Variants in ZHX2 observed in about 807,000 individuals in gnomAD.
ZHX2 encodes the protein zinc fingers and homeoboxes 2, also known as zinc fingers and homeoboxes protein 2.
ZHX2 carries 6 observed loss-of-function variants against 21.9 expected under a neutral mutation model. The observed-to-expected ratio is 0.27, with a 90% CI of 0.15 to 0.54. The LOEUF is 0.54. Among genes scored for constraint, ZHX2 ranks in the 20% least tolerant of loss-of-function variants. The pLI is 0.95. For missense variants in ZHX2, 908 were observed against 1,090.7 expected (o/e 0.83, Z 2.36); for synonymous variants, 434 against 437.1 (o/e 0.99, Z 0.09).
At chr8:122,826,664 G>A (rs753288090) in intron 1 of ZHX2, among the ~76,000 whole-genome samples, 4 of 152,160 alleles carry the variant, frequency 2.6e-5, no homozygotes, top group Non-Finnish European at 5.9e-5. Flanking sequence ...CACAGCGCAC[G>A]GCACTGCTCT....
chr8:122,914,792 T>C (rs1483970795), intron 2 of ZHX2, among the ~76,000 whole-genome samples: 1 of 152,268 alleles, frequency 6.6e-6, no homozygotes, highest in Non-Finnish European at 1.5e-5. Context: ...ACTTTTCTGA[T>C]GTTCAGGGTC....
chr8:122,857,511 G>A (rs952016552), intron 1 of ZHX2, among the ~76,000 whole-genome samples: 11 of 152,046 alleles, frequency 7.2e-5, no homozygotes, highest in South Asian at 4.2e-4. Context: ...CAGTATTCTC[G>A]TAAATGTCCA....
chr8:122,859,806 G>T (rs1334984734), intron 1 of ZHX2, among the ~76,000 whole-genome samples: 1 of 152,166 alleles, frequency 6.6e-6, no homozygotes, highest in African/African-American at 2.4e-5. Context: ...TAATGGTAGG[G>T]ACTGGGTTTT....
At chr8:122,804,085 T>C (rs185345038) in intron 1 of ZHX2, among the ~76,000 whole-genome samples, 1 of 152,202 alleles carries the variant, frequency 6.6e-6, no homozygotes, top group Non-Finnish European at 1.5e-5. Flanking sequence ...TCTTTCATTT[T>C]TGTCATTTAT....
chr8:122,918,818 T>C (rs1177653404), intron 2 of ZHX2, among the ~76,000 whole-genome samples: 1 of 151,816 alleles, frequency 6.6e-6, no homozygotes, highest in East Asian at 1.9e-4. Flanking sequence ...GGTGGCAGCA[T>C]GCACCTGTAG....
intron 2 of ZHX2, among the ~76,000 whole-genome samples, chr8:122,934,279 C>G (rs1812619465): frequency 6.6e-6 from 1 of 152,200 alleles, no homozygotes; most frequent in African/African-American, 2.4e-5. Context: ...GATTCTAAAG[C>G]TAATGGACTT....
At chr8:122,913,262 G>A (rs1255183123) in intron 2 of ZHX2, among the ~76,000 whole-genome samples, 1 of 152,148 alleles carries the variant, frequency 6.6e-6, no homozygotes, top group African/African-American at 2.4e-5. Flanking sequence ...ACCACATTTA[G>A]TTTAGCCATG....
intron 2 of ZHX2, among the ~76,000 whole-genome samples, chr8:122,926,869 T>C (rs1284527444): frequency 6.6e-6 from 1 of 152,194 alleles, no homozygotes; most frequent in Non-Finnish European, 1.5e-5. Context: ...GTCTGGAATC[T>C]CCCTCTGCCT....
Position 122,951,902 on chromosome 8 carries a change from A to G in ZHX2, c.392A>G (p.Lys131Arg), listed in dbSNP as rs1244243423. ...GACTCCCTATCCGACCACAACTCCAAGTTCCATCCCGGGGAGGCCAACTTC... is the reference window on the plus strand; with the variant it reads ...GACTCCCTATCCGACCACAACTCCAGGTTCCATCCCGGGGAGGCCAACTTC... Reference protein sequence around the residue: ...KYDSLSDHNSKFHPGEANFKL... With the variant: ...KYDSLSDHNSRFHPGEANFKL... The change falls in exon 3 of 4, where the codon AAG (lysine) becomes AGG (arginine). Residue 131 changes from lysine (K) to arginine (R), a missense_variant. Lys to Arg is a conservative substitution (Grantham distance 26). Coordinates refer to ENST00000314393, the MANE Select transcript of ZHX2 (RefSeq NM_014943.5). The G allele has an allele frequency of 6.2e-7, 1 of 1,614,144 alleles. No individual in the cohort carries two copies. Among genetic ancestry groups the G allele is most frequent in the Non-Finnish European group, 8.5e-7 (1 of 1,180,014 alleles).
chr8:122,930,542 C>T (rs369295806), intron 2 of ZHX2, among the ~76,000 whole-genome samples: 3 of 144,728 alleles, frequency 2.1e-5, no homozygotes, highest in African/African-American at 7.7e-5. Context: ...GCATCCCACA[C>T]GTGTCCTGAG....
chr8:122,800,422 C>G (rs1817696686), intron 1 of ZHX2, among the ~76,000 whole-genome samples: 1 of 152,192 alleles, frequency 6.6e-6, no homozygotes, highest in African/African-American at 2.4e-5. Context: ...GCCTGCAAAC[C>G]CTGGCTTCTG....
intron 2 of ZHX2, among the ~76,000 whole-genome samples, chr8:122,943,082 C>T (rs1364378473): frequency 2.0e-5 from 3 of 151,812 alleles, no homozygotes; most frequent in African/African-American, 4.8e-5. Flanking sequence ...GCCAACATGG[C>T]GAAACCCCAT....
intron 2 of ZHX2, among the ~76,000 whole-genome samples, chr8:122,879,972 C>T (rs867200817): frequency 0.019 from 2,389 of 126,388 alleles, 57 homozygotes; most frequent in African/African-American, 0.067. Flanking sequence ...CTATTGTTAC[C>T]TTTTTTTTTT....
intron 3 of ZHX2, among the ~76,000 whole-genome samples, chr8:122,956,140 C>T (rs79623445): frequency 8.5e-5 from 13 of 152,122 alleles, no homozygotes; most frequent in South Asian, 2.1e-4. Context: ...CCACCACGCC[C>T]GACCTCCCAT....
At chr8:122,796,942 A>C (rs1360048512) in intron 1 of ZHX2, among the ~76,000 whole-genome samples, 1 of 152,132 alleles carries the variant, frequency 6.6e-6, no homozygotes, top group Non-Finnish European at 1.5e-5. Context: ...CAGTAAGGAA[A>C]GATTTGTGTC....
intron 2 of ZHX2, among the ~76,000 whole-genome samples, chr8:122,893,490 G>C (rs1165354769): frequency 6.6e-6 from 1 of 151,924 alleles, no homozygotes; most frequent in Non-Finnish European, 1.5e-5. Flanking sequence ...GGCCCTGTAG[G>C]CTTTTTTCAT....
At chr8:122,784,280 G>A (rs1377211015) in intron 1 of ZHX2, among the ~76,000 whole-genome samples, 1 of 152,168 alleles carries the variant, frequency 6.6e-6, no homozygotes. Context: ...GGTGTGTGAG[G>A]CACAATGCTG....
chr8:122,967,027 G>T (rs1813600944), intron 3 of ZHX2, among the ~76,000 whole-genome samples: 1 of 152,048 alleles, frequency 6.6e-6, no homozygotes, highest in South Asian at 2.1e-4. Context: ...TATGATATCT[G>T]TTTCTCTAGA....
chr8:122,807,323 A>G (rs1241060886), intron 1 of ZHX2, among the ~76,000 whole-genome samples: 1 of 152,250 alleles, frequency 6.6e-6, no homozygotes, highest in African/African-American at 2.4e-5. Context: ...GAAATGGTTC[A>G]TTCCTAACAG....
Sources: allele counts gnomAD v4.1 joint callset (sites outside exome capture counted in the v4.1 genomes callset), GRCh38; gene constraint gnomAD v4.1.1; transcripts MANE v1.5; gene names NCBI Gene and HGNC (gene_info 2026-07-23, HGNC 2026-07-21).